The following TRPM3 variants were observed in gnomAD, a reference collection of about 807,000 sequenced individuals.
TRPM3 encodes the protein long transient receptor potential channel 3.
A neutral mutation model predicts 181.2 loss-of-function variants in TRPM3; 77 were observed. The ratio of observed to expected loss-of-function variants is 0.42; its 90% CI spans 0.35 to 0.51. TRPM3 has a LOEUF of 0.51. Among genes scored for constraint, TRPM3 ranks in the 20% least tolerant of loss-of-function variants. TRPM3 has a pLI of 0.01. For synonymous variants in TRPM3, 745 were observed against 796.4 expected, an observed-to-expected ratio of 0.94 and a Z score of 1.09; for missense variants, 1,759 against 2,196.7, an observed-to-expected ratio of 0.80 and a Z score of 3.98.
At chr9:70,889,983 CATATT>C (rs1410561278) in intron 1 of TRPM3, among the ~76,000 whole-genome samples, 1 of 147,034 alleles carries the variant, frequency 6.8e-6, no homozygotes, top group East Asian at 2.0e-4. Flanking sequence ...ATATTTATAG[CATATT>C]ATATATTTAT....
chr9:70,855,827 C>T (rs1178860489), intron 3 of TRPM3, among the ~76,000 whole-genome samples: 1 of 152,088 alleles, frequency 6.6e-6, no homozygotes, highest in Non-Finnish European at 1.5e-5. Flanking sequence ...TCCATGGGGC[C>T]TTGTGCTTTG....
Position 71,135,137 on chromosome 9 carries a change from G to A in TRPM3, c.184-270626C>T, listed in dbSNP as rs557795968. Among the ~76,000 whole-genome samples the A allele has an allele frequency of 1.7e-4, 26 of 152,222 alleles. No individual in the cohort carries two copies. In the South Asian group the frequency reaches 4.6e-3, roughly 27 times the overall value. ...TTCACCTAGAGCCAAAACTTATTTG[G>A]GTCTTAGGCAGGAATGCTCATAATG... On this transcript the variant is annotated intron_variant, in intron 1 of 24. Transcript: ENST00000357533.
chr9:70,627,287 T>C (rs1377649385), intron 12 of TRPM3, among the ~76,000 whole-genome samples: 2 of 148,338 alleles, frequency 1.3e-5, no homozygotes, highest in Non-Finnish European at 3.0e-5. Context: ...TTTTTTTTTT[T>C]TTGAGACAGA....
chr9:71,350,081 T>A (rs564627915), intron 1 of TRPM3, among the ~76,000 whole-genome samples: 55 of 151,590 alleles, frequency 3.6e-4, no homozygotes, highest in African/African-American at 1.3e-3. Flanking sequence ...TTATACACAC[T>A]CTATGGATTG....
chr9:71,288,221 T>G (rs7854330), intron 1 of TRPM3, among the ~76,000 whole-genome samples: 33,892 of 151,372 alleles, frequency 0.22, 4,226 homozygotes, highest in African/African-American at 0.31. Context: ...AATTATGATA[T>G]TAAAACAAAA....
chr9:70,940,928 G>T (rs2096879898), intron 1 of TRPM3, among the ~76,000 whole-genome samples: 1 of 152,230 alleles, frequency 6.6e-6, no homozygotes, highest in Non-Finnish European at 1.5e-5. Flanking sequence ...ATTTGCAGCT[G>T]AAGTATTAAG....
At chr9:70,786,196 G>C (rs1001119394) in intron 6 of TRPM3, among the ~76,000 whole-genome samples, 1 of 151,610 alleles carries the variant, frequency 6.6e-6, no homozygotes, top group Non-Finnish European at 1.5e-5. Flanking sequence ...CAGGCACAGT[G>C]GCTCATGCCT....
intron 6 of TRPM3, among the ~76,000 whole-genome samples, chr9:70,795,529 A>G (rs2086803470): frequency 6.6e-6 from 1 of 152,226 alleles, no homozygotes; most frequent in South Asian, 2.1e-4. Flanking sequence ...ATGCAGACTG[A>G]TAATATGCCA....
At chr9:70,747,173 T>C (rs1028017853) in intron 8 of TRPM3, among the ~76,000 whole-genome samples, 1 of 152,158 alleles carries the variant, frequency 6.6e-6, no homozygotes, top group Non-Finnish European at 1.5e-5. Context: ...AAACATAGAA[T>C]AATGAATCAG....
intron 1 of TRPM3, among the ~76,000 whole-genome samples, chr9:71,308,801 A>G (rs903127076): frequency 1.3e-5 from 2 of 152,112 alleles, no homozygotes; most frequent in South Asian, 2.1e-4. Context: ...CTGATTGCCA[A>G]TCTTTGGGAA....
intron 9 of TRPM3, among the ~76,000 whole-genome samples, chr9:70,669,513 G>A (rs1186167186): frequency 6.6e-6 from 1 of 152,100 alleles, no homozygotes; most frequent in East Asian, 1.9e-4. Context: ...TATTAAAGAA[G>A]CTGAAGAAAG....
At chr9:70,599,322 A>C (rs1265127717) in intron 20 of TRPM3, among the ~76,000 whole-genome samples, 1 of 152,194 alleles carries the variant, frequency 6.6e-6, no homozygotes, top group African/African-American at 2.4e-5. Context: ...CATAGGTAAA[A>C]ACTCTTCAAG....
intron 6 of TRPM3, among the ~76,000 whole-genome samples, chr9:70,807,501 T>A (rs1018516982): frequency 6.6e-6 from 1 of 152,204 alleles, no homozygotes; most frequent in African/African-American, 2.4e-5. Flanking sequence ...TTTTAGTATC[T>A]AGTCGCTTCT....
intron 1 of TRPM3, among the ~76,000 whole-genome samples, chr9:71,079,980 G>A (rs1359588097): frequency 1.3e-5 from 2 of 152,046 alleles, no homozygotes; most frequent in Non-Finnish European, 2.9e-5. Context: ...AGACCAGCCT[G>A]ACCAACATGG....
chr9:70,965,747 G>T (rs1371963961), intron 1 of TRPM3, among the ~76,000 whole-genome samples: 2 of 151,954 alleles, frequency 1.3e-5, no homozygotes, highest in Non-Finnish European at 2.9e-5. Flanking sequence ...TTGGCCTGAG[G>T]TTTTCTTTTT....
intron 1 of TRPM3, among the ~76,000 whole-genome samples, chr9:71,101,475 G>A (rs1427689755): frequency 1.3e-5 from 2 of 152,140 alleles, no homozygotes; most frequent in Admixed American, 1.3e-4. Context: ...GTATGTGTAA[G>A]TGAAGACAGG....
Position 71,390,705 on chromosome 9 carries a change from C to T in TRPM3, c.183+55948G>A, listed in dbSNP as rs555058392. 2.1e-4 allele frequency among the ~76,000 whole-genome samples: 32 copies of T among 152,116 alleles called. 1 individual carries two copies. In the South Asian group the frequency reaches 6.0e-3, roughly 29 times the overall value. Reference sequence around the variant, plus strand: ...CAAGTACTCATTAAACATTACAATACTATAGGCCAGATACTATGCTTGGTT... The same window carrying T: ...CAAGTACTCATTAAACATTACAATATTATAGGCCAGATACTATGCTTGGTT... On this transcript the variant is annotated intron_variant, in intron 1 of 24. Coordinates refer to the TRPM3 transcript ENST00000357533.
chr9:70,900,380 A>C (rs1267296652), intron 1 of TRPM3, among the ~76,000 whole-genome samples: 2 of 152,042 alleles, frequency 1.3e-5, no homozygotes, highest in Non-Finnish European at 2.9e-5. Context: ...ACAAAAAAAA[A>C]CTTATTACAG....
intron 1 of TRPM3, among the ~76,000 whole-genome samples, chr9:70,922,545 T>C (rs755897506): frequency 6.6e-6 from 1 of 152,204 alleles, no homozygotes; most frequent in Non-Finnish European, 1.5e-5. Flanking sequence ...TTTTTGTACC[T>C]CTGCAGGTCT....
Sources: allele counts gnomAD v4.1 joint callset (sites outside exome capture counted in the v4.1 genomes callset), GRCh38; gene constraint gnomAD v4.1.1; transcripts MANE v1.5; gene names NCBI Gene and HGNC (gene_info 2026-07-23, HGNC 2026-07-21).